The following DPP10 variants were observed in gnomAD, a reference collection of about 807,000 sequenced individuals.
The protein encoded by DPP10 is dipeptidyl peptidase like 10.
A neutral mutation model predicts 120.9 loss-of-function variants in DPP10; 33 were observed. The ratio of observed to expected loss-of-function variants is 0.27; its 90% CI spans 0.21 to 0.37. DPP10 has a LOEUF of 0.37. DPP10 is among the 10% of genes least tolerant of loss of function. The pLI, the probability that DPP10 is intolerant of heterozygous loss-of-function variation, is 1.00. For missense variants in DPP10, 816 were observed against 942.8 expected (o/e 0.87, Z 1.76); for synonymous variants, 337 against 326.1 (o/e 1.03, Z -0.36).
intron 1 of DPP10, among the ~76,000 whole-genome samples, chr2:114,838,462 G>A (rs190695654): frequency 7.8e-4 from 118 of 152,130 alleles, no homozygotes; most frequent in African/African-American, 2.7e-3. Context: ...ACAGCTGTGA[G>A]CTACCACGCC....
At chr2:114,804,478 G>A (rs1401614999) in intron 1 of DPP10, among the ~76,000 whole-genome samples, 2 of 152,192 alleles carry the variant, frequency 1.3e-5, no homozygotes, top group Non-Finnish European at 2.9e-5. Context: ...GCCAGCCTGG[G>A]AAAGCAGCCA....
intron 5 of DPP10, among the ~76,000 whole-genome samples, chr2:115,631,727 G>A (rs1307377295): frequency 2.6e-5 from 4 of 152,152 alleles, no homozygotes; most frequent in African/African-American, 9.6e-5. Context: ...GCTTTTGAGT[G>A]AGTTTCTTGA....
chr2:114,482,223 A>G (rs998752024), intron 1 of DPP10, among the ~76,000 whole-genome samples: 2 of 152,150 alleles, frequency 1.3e-5, no homozygotes, highest in Admixed American at 6.6e-5. Context: ...AAAAATGCCA[A>G]TGTTTTAGAA....
intron 1 of DPP10, among the ~76,000 whole-genome samples, chr2:114,744,452 G>A (rs1056383323): frequency 6.6e-6 from 1 of 152,192 alleles, no homozygotes; most frequent in Non-Finnish European, 1.5e-5. Context: ...AGGAGTTAAT[G>A]ATTTGTATCA....
intron 5 of DPP10, among the ~76,000 whole-genome samples, chr2:115,607,107 A>G (rs1235889568): frequency 6.6e-6 from 1 of 152,196 alleles, no homozygotes; most frequent in Admixed American, 6.6e-5. Flanking sequence ...TAGTTGATTA[A>G]TGAAATGATG....
At chr2:114,664,936 GCA>G (rs1573920646) in intron 1 of DPP10, among the ~76,000 whole-genome samples, 10 of 151,934 alleles carry the variant, frequency 6.6e-5, no homozygotes, top group East Asian at 5.8e-4. Context: ...CCAAAAGATG[GCA>G]CAGAGCATCC....
chr2:114,474,292 C>A (rs1680190716), intron 1 of DPP10, among the ~76,000 whole-genome samples: 1 of 152,152 alleles, frequency 6.6e-6, no homozygotes, highest in Non-Finnish European at 1.5e-5. Flanking sequence ...CTAATAAAAT[C>A]CTATACTAAT....
At chr2:115,058,076 A>T (rs998422700) in intron 1 of DPP10, among the ~76,000 whole-genome samples, 2 of 152,190 alleles carry the variant, frequency 1.3e-5, no homozygotes, top group African/African-American at 4.8e-5. Flanking sequence ...GGGGCTTAGG[A>T]GATTTCCCAT....
intron 1 of DPP10, among the ~76,000 whole-genome samples, chr2:115,251,267 C>T (rs762921268): frequency 6.6e-6 from 1 of 152,130 alleles, no homozygotes; most frequent in Non-Finnish European, 1.5e-5. Context: ...GTTTGATTGG[C>T]CTAGTTTTAT....
chr2:115,387,508 G>A (rs570955035), intron 3 of DPP10, among the ~76,000 whole-genome samples: 50 of 152,132 alleles, frequency 3.3e-4, no homozygotes, highest in African/African-American at 1.2e-3. Context: ...CTCTGTTTTA[G>A]TTTTTTAAAA....
intron 1 of DPP10, among the ~76,000 whole-genome samples, chr2:114,815,640 T>C (rs1685579308): frequency 6.6e-6 from 1 of 152,206 alleles, no homozygotes; most frequent in Non-Finnish European, 1.5e-5. Flanking sequence ...CAGTGGAATT[T>C]CAGTCATCAC....
chr2:114,661,678 A>G (rs1476057092), intron 1 of DPP10, among the ~76,000 whole-genome samples: 1 of 152,112 alleles, frequency 6.6e-6, no homozygotes, highest in Non-Finnish European at 1.5e-5. Flanking sequence ...TGCTGCCCCA[A>G]TCTTTAGCTG....
intron 3 of DPP10, among the ~76,000 whole-genome samples, chr2:115,376,493 T>G (rs1175938354): frequency 6.6e-6 from 1 of 152,006 alleles, no homozygotes; most frequent in Non-Finnish European, 1.5e-5. Context: ...GAATTTGAAT[T>G]TCACCAGTGG....
intron 1 of DPP10, among the ~76,000 whole-genome samples, chr2:115,217,325 C>T (rs543953639): frequency 6.6e-6 from 1 of 152,242 alleles, no homozygotes; most frequent in African/African-American, 2.4e-5. Flanking sequence ...TGCTAGAAGA[C>T]ATCATACATG....
At chr2:115,049,796 C>T (rs1027566509) in intron 1 of DPP10, among the ~76,000 whole-genome samples, 10 of 152,134 alleles carry the variant, frequency 6.6e-5, no homozygotes, top group Non-Finnish European at 1.3e-4. Context: ...GTTCCCTTTT[C>T]TGACACCTTT....
chr2:115,033,690 T>G (rs1175603524), intron 1 of DPP10, among the ~76,000 whole-genome samples: 1 of 105,176 alleles, frequency 9.5e-6, no homozygotes, highest in Non-Finnish European at 1.8e-5. Flanking sequence ...CCGCAATATC[T>G]TCCCTCCTTT....
chr2:115,219,901 T>C (rs2057046244), intron 1 of DPP10, among the ~76,000 whole-genome samples: 1 of 152,172 alleles, frequency 6.6e-6, no homozygotes, highest in Non-Finnish European at 1.5e-5. Flanking sequence ...GGCTAAATAT[T>C]TTATTCAAAT....
chr2:115,289,503 A>AG (rs1553539658), intron 1 of DPP10, among the ~76,000 whole-genome samples: 2 of 96,268 alleles, frequency 2.1e-5, no homozygotes, highest in South Asian at 3.9e-4. Flanking sequence ...AAAAAAAAAA[A>AG]AGGAAGAAAA....
intron 3 of DPP10, among the ~76,000 whole-genome samples, chr2:115,365,063 A>G (rs2065002315): frequency 6.6e-6 from 1 of 152,176 alleles, no homozygotes. Flanking sequence ...ACATGTATAT[A>G]TAAAGACTAA....
Sources: gnomAD v4.1 joint callset for allele counts (sites outside exome capture counted in the v4.1 genomes callset) on GRCh38, gnomAD v4.1.1 for gene constraint, MANE v1.5 for transcripts, NCBI Gene and HGNC (gene_info 2026-07-23, HGNC 2026-07-21) for gene names.